IL1RL2: variants seen among roughly 807,000 people sequenced by gnomAD.
IL1RL2 encodes the protein interleukin 1 receptor like 2.
In IL1RL2, 68 loss-of-function variants were observed where a neutral mutation model predicts 66.8. The ratio of observed to expected loss-of-function variants is 1.02; its 90% CI spans 0.84 to 1.25. The LOEUF is 1.25. Among genes scored for constraint, IL1RL2 ranks in the 50% most tolerant of loss-of-function variants. The pLI is 0.00. For synonymous variants in IL1RL2, 305 were observed against 264.6 expected, an observed-to-expected ratio of 1.15 and a Z score of -1.48; for missense variants, 729 against 709.3, an observed-to-expected ratio of 1.03 and a Z score of -0.32.
At position 102,215,930 on chromosome 2, in the gene IL1RL2, G is replaced by T. The variant is rs1234252437; in HGVS notation, c.725-3023G>T. On this transcript the variant is annotated intron_variant, in intron 6 of 11. Transcript: ENST00000264257. Reference sequence around the variant, plus strand: ...AAGAGGTGACTGTTGCACCAGAAGTGCAGCTATCAACATAAGGACACAAGA... The same window carrying T: ...AAGAGGTGACTGTTGCACCAGAAGTTCAGCTATCAACATAAGGACACAAGA... Among the ~76,000 whole-genome samples, 5 of 152,150 alleles carry T rather than the reference G, an allele frequency of 3.3e-5. No individual in the cohort carries two copies. In the East Asian group the frequency reaches 9.6e-4, roughly 29 times the overall value.
At chr2:102,208,697 C>T (rs34935521) in intron 5 of IL1RL2, among the ~76,000 whole-genome samples, 6,051 of 152,264 alleles carry the variant, frequency 0.04, 309 homozygotes, top group African/African-American at 0.11. Flanking sequence ...CAGGACAGGG[C>T]CCTTTACTCT....
intron 8 of IL1RL2, among the ~76,000 whole-genome samples, chr2:102,224,624 A>T (rs1690440987): frequency 6.6e-6 from 1 of 152,196 alleles, no homozygotes; most frequent in Non-Finnish European, 1.5e-5. Flanking sequence ...AGAAAAAAAT[A>T]CAGTTTGATA....
chr2:102,224,474 G>T (rs1690423344), intron 8 of IL1RL2, among the ~76,000 whole-genome samples: 1 of 152,138 alleles, frequency 6.6e-6, no homozygotes. Context: ...GGCACAGAAA[G>T]ACACATATTG....
At chr2:102,213,639 C>T (rs547822379) in intron 6 of IL1RL2, among the ~76,000 whole-genome samples, 14 of 152,090 alleles carry the variant, frequency 9.2e-5, no homozygotes, top group Admixed American at 4.6e-4. Context: ...AGTGAGAATA[C>T]GTCATATCAA....
At position 102,233,111 on chromosome 2, in the gene IL1RL2, A is replaced by G. The variant is rs370279569; in HGVS notation, c.1284A>G (p.Glu428=). ...GYKLFIFGRD[E]FPGQAVANVI... Reference sequence around the variant, plus strand: ...AGTTGTTTATATTCGGCAGAGATGAATTCCCTGGACAAGGTGGGTTTTAAG... The same window carrying G: ...AGTTGTTTATATTCGGCAGAGATGAGTTCCCTGGACAAGGTGGGTTTTAAG... Residue 428 remains glutamate (E), a synonymous_variant, in exon 10 of 12, where the codon GAA becomes GAG. Transcript: ENST00000264257. 21 of 1,605,600 alleles carry G rather than the reference A, an allele frequency of 1.3e-5. No homozygotes were observed. The highest frequency in any genetic ancestry group is 1.5e-5 in the Non-Finnish European group (18 of 1,174,758).
intron 6 of IL1RL2, among the ~76,000 whole-genome samples, chr2:102,212,885 C>T (rs977839963): frequency 1.3e-5 from 2 of 152,236 alleles, no homozygotes; most frequent in East Asian, 3.9e-4. Flanking sequence ...AGGAGAATGG[C>T]GTGAACCCGG....
At chr2:102,191,792 C>T (rs1687252170) in intron 3 of IL1RL2, 133 bp from the exon 4 acceptor site, 2 of 613,902 alleles carry the variant, frequency 3.3e-6, no homozygotes, top group African/African-American at 1.9e-5. Context: ...TTTGTGGATG[C>T]TTAGTGCTTT....
intron 5 of IL1RL2, among the ~76,000 whole-genome samples, chr2:102,209,529 T>A (rs1688978690): frequency 6.6e-6 from 1 of 151,450 alleles, no homozygotes; most frequent in Non-Finnish European, 1.5e-5. Context: ...AAGCATTATG[T>A]TTATGTTGGA....
Position 102,233,097 on chromosome 2 carries a change from T to C in IL1RL2, c.1270T>C (p.Phe424Leu). ...ERQCGYKLFI[F>L]GRDEFPGQAV... ...ACAATGTGGATATAAGTTGTTTATA[T>C]TCGGCAGAGATGAATTCCCTGGACA... is the stretch of plus-strand genomic sequence containing the variant. Residue 424 changes from phenylalanine to leucine, a missense_variant, in exon 10 of 12, where the codon TTC (phenylalanine) becomes CTC (leucine). Coordinates refer to ENST00000264257, the MANE Select transcript of IL1RL2 (RefSeq NM_003854.4). 6.2e-7 allele frequency: 1 copy of C among 1,613,502 alleles called. No homozygotes were observed. The highest frequency in any genetic ancestry group is 1.7e-4 in the Middle Eastern group (1 of 6,054).
intron 4 of IL1RL2, among the ~76,000 whole-genome samples, chr2:102,200,671 G>A (rs1192739301): frequency 6.6e-6 from 1 of 152,196 alleles, no homozygotes; most frequent in East Asian, 1.9e-4. Context: ...AGGACAGGGA[G>A]CAGGTTTGGG....
intron 4 of IL1RL2, among the ~76,000 whole-genome samples, chr2:102,193,958 C>T (rs996427334): frequency 1.3e-5 from 2 of 151,896 alleles, no homozygotes; most frequent in Admixed American, 6.6e-5. Flanking sequence ...ATTAAAAAAA[C>T]CCCTTTTCAT....
intron 8 of IL1RL2, 131 bp downstream of exon 8, chr2:102,220,148 T>G (rs1331194167): frequency 1.2e-5 from 9 of 749,120 alleles, no homozygotes; most frequent in Non-Finnish European, 1.7e-5. Flanking sequence ...AAACTCAGTA[T>G]GAAATCTAGG....
chr2:102,210,087 C>T (rs11673864), intron 5 of IL1RL2, among the ~76,000 whole-genome samples: 2 of 151,844 alleles, frequency 1.3e-5, no homozygotes, highest in African/African-American at 2.4e-5. Context: ...ACCAGGGCCT[C>T]GTGAGAAAGC....
intron 6 of IL1RL2, among the ~76,000 whole-genome samples, chr2:102,216,235 G>A (rs531909574): frequency 6.6e-6 from 1 of 152,252 alleles, no homozygotes; most frequent in East Asian, 1.9e-4. Context: ...ATAATTCAAT[G>A]AATGAAATAA....
At chr2:102,200,049 C>T (rs534995999) in intron 4 of IL1RL2, among the ~76,000 whole-genome samples, 7 of 138,062 alleles carry the variant, frequency 5.1e-5, no homozygotes, top group Non-Finnish European at 9.1e-5. Flanking sequence ...CCCAGCTACT[C>T]GGGAGGCTGG....
chr2:102,219,736 C>G, intron 7 of IL1RL2, 145 bp from the exon 8 acceptor site: 1 of 712,690 alleles, frequency 1.4e-6, no homozygotes, highest in South Asian at 2.0e-5. Context: ...ACAAACCTCA[C>G]TGGGCCAGTC....
At chr2:102,232,613 A>T (rs1380421021) in intron 9 of IL1RL2, among the ~76,000 whole-genome samples, 1 of 152,218 alleles carries the variant, frequency 6.6e-6, no homozygotes, top group Non-Finnish European at 1.5e-5. Context: ...ACTGCGCTGG[A>T]CGAGTCTTCT....
intron 5 of IL1RL2, among the ~76,000 whole-genome samples, chr2:102,211,343 G>T (rs1008694164): frequency 2.6e-5 from 4 of 152,154 alleles, no homozygotes; most frequent in Non-Finnish European, 5.9e-5. Context: ...AGGGAGTCCA[G>T]GGAGTCAATA....
intron 9 of IL1RL2, among the ~76,000 whole-genome samples, chr2:102,228,954 T>G (rs138670954): frequency 6.6e-6 from 1 of 152,080 alleles, no homozygotes; most frequent in Non-Finnish European, 1.5e-5. Flanking sequence ...TTTCCCATGG[T>G]AAATGTCATA....
Sources: gnomAD v4.1 joint callset for allele counts (sites outside exome capture counted in the v4.1 genomes callset) on GRCh38, gnomAD v4.1.1 for gene constraint, MANE v1.5 for transcripts, NCBI Gene and HGNC (gene_info 2026-07-23, HGNC 2026-07-21) for gene names.